ABCA13: variants seen among roughly 807,000 people sequenced by gnomAD.
The protein encoded by ABCA13 is ATP binding cassette subfamily A member 13.
In ABCA13, 476 loss-of-function variants were observed where a neutral mutation model predicts 478.7. The observed-to-expected ratio is 0.99, with a 90% CI of 0.92 to 1.07. The LOEUF (loss-of-function observed/expected upper bound fraction) is 1.07, where lower values mean the gene tolerates loss of function less well. Among genes scored for constraint, ABCA13 ranks in the 50% least tolerant of loss-of-function variants. The pLI is 0.00. For missense variants in ABCA13, 6,060 were observed against 5,910.6 expected (o/e 1.03, Z -0.83); for synonymous variants, 2,252 against 2,158.9 (o/e 1.04, Z -1.20).
intron 24 of ABCA13, among the ~76,000 whole-genome samples, chr7:48,310,622 C>T (rs1280229325): frequency 1.3e-5 from 2 of 152,104 alleles, no homozygotes; most frequent in Non-Finnish European, 2.9e-5. Context: ...CAGGGCCTGC[C>T]CTGGAGAGAA....
intron 5 of ABCA13, among the ~76,000 whole-genome samples, chr7:48,225,461 A>G (rs1458676419): frequency 6.6e-6 from 1 of 152,206 alleles, no homozygotes; most frequent in East Asian, 1.9e-4. Context: ...GAAAATTAAC[A>G]CTAATACAAT....
At chr7:48,556,460 T>C (rs1203055513) in intron 55 of ABCA13, among the ~76,000 whole-genome samples, 1 of 152,006 alleles carries the variant, frequency 6.6e-6, no homozygotes, top group African/African-American at 2.4e-5. Context: ...TCTCATAATA[T>C]TTGCTTTATA....
At chr7:48,422,447 T>C (rs1109443) in intron 41 of ABCA13, among the ~76,000 whole-genome samples, 19,271 of 152,166 alleles carry the variant, frequency 0.13, 1,529 homozygotes, top group African/African-American at 0.2. Context: ...TAGAATTGAC[T>C]TTTTATAACT....
intron 59 of ABCA13, among the ~76,000 whole-genome samples, chr7:48,628,137 G>T (rs1793836149): frequency 6.6e-6 from 1 of 152,166 alleles, no homozygotes; most frequent in African/African-American, 2.4e-5. Flanking sequence ...CACATGACTA[G>T]TTCCTTCAGT....
chr7:48,511,215 C>T lies in ABCA13; in HGVS notation c.13640+16C>T, dbSNP rs139659265. ...CACTTTTCGGGTATGTGATGAGAAA[C>T]GCTGCTGCAGAATTACGGTTTGTTT... On this transcript the variant is annotated intron_variant, in intron 51 of 61. Coordinates refer to ENST00000435803, the MANE Select transcript of ABCA13 (RefSeq NM_152701.5). 3.9e-5 allele frequency: 62 copies of T among 1,589,340 alleles called. No homozygotes were observed. Among genetic ancestry groups the T allele is most frequent in the Non-Finnish European group, 4.0e-5 (47 of 1,162,576 alleles).
intron 2 of ABCA13, among the ~76,000 whole-genome samples, chr7:48,197,834 A>G (rs1798143913): frequency 6.6e-6 from 1 of 152,176 alleles, no homozygotes; most frequent in Admixed American, 6.5e-5. Flanking sequence ...TTTTTTTGCC[A>G]AAACTAAAAA....
At position 48,506,394 on chromosome 7, in the gene ABCA13, A is replaced by C; in HGVS notation, c.13346+4A>C. 6.2e-7 allele frequency: 1 copy of C among 1,613,586 alleles called. No individual in the cohort carries two copies. Among genetic ancestry groups the C allele is most frequent in the South Asian group, 1.1e-5 (1 of 91,060 alleles). On this transcript the variant is annotated splice_donor_region_variant and intron_variant, in intron 49 of 61. Transcript: ENST00000435803. ...CCTTGCTGAACGAGGACAAGATGTG[A>C]GTTGATGGAATGCTGAGGGGTGTGT... is the stretch of plus-strand genomic sequence containing the variant.
intron 2 of ABCA13, among the ~76,000 whole-genome samples, chr7:48,197,095 T>C (rs1176814751): frequency 6.6e-6 from 1 of 152,218 alleles, no homozygotes. Flanking sequence ...CAGTAAATTC[T>C]GTTTGTGCTG....
chr7:48,410,944 A>T (rs1210999057), intron 40 of ABCA13, among the ~76,000 whole-genome samples: 1 of 151,906 alleles, frequency 6.6e-6, no homozygotes, highest in Non-Finnish European at 1.5e-5. Context: ...AGGGCCAGGA[A>T]GTATATGACC....
rs768587994 is a variant in ABCA13 at position 48,391,932 on chromosome 7, CG to C, written c.11670del (p.Leu3891SerfsTer52). 6.2e-7 allele frequency: 1 copy of C among 1,613,638 alleles called. No individual in the cohort carries two copies. The highest frequency in any genetic ancestry group is 2.2e-5 in the East Asian group (1 of 44,830). On this transcript the variant is annotated frameshift_variant, in exon 38 of 62. Transcript: ENST00000435803. LOFTEE classifies it high-confidence loss of function. ...AGKTTIISML[T>X]GLHPPTSGTI... is the part of the protein sequence containing the mutation. ...ATTTTCTCTGGCAGATCCATGTTGA[CG>C]GGGCTCCACCCTCCCACTTCTGGAA...
chr7:48,382,751 T>G (rs1168742464), intron 35 of ABCA13, among the ~76,000 whole-genome samples: 3 of 147,764 alleles, frequency 2.0e-5, no homozygotes, highest in Non-Finnish European at 4.5e-5. Flanking sequence ...TCTTGTATTC[T>G]TCTCTCAATG....
chr7:48,254,486 T>C (rs1466338335), intron 15 of ABCA13, among the ~76,000 whole-genome samples: 2 of 152,154 alleles, frequency 1.3e-5, no homozygotes. Flanking sequence ...CCCAGGCTAA[T>C]CTTGAACTCC....
At chr7:48,336,276 G>C (rs894848421) in intron 28 of ABCA13, among the ~76,000 whole-genome samples, 3 of 152,150 alleles carry the variant, frequency 2.0e-5, no homozygotes, top group African/African-American at 7.2e-5. Flanking sequence ...TGGAGCCCTT[G>C]GAATAGGTTT....
chr7:48,251,168 T>C (rs1370878795), intron 15 of ABCA13, among the ~76,000 whole-genome samples: 1 of 152,130 alleles, frequency 6.6e-6, no homozygotes, highest in African/African-American at 2.4e-5. Context: ...GAGTTGGCCA[T>C]GTTCTTCTGG....
At position 48,266,712 on chromosome 7, in the gene ABCA13, TTTCTTTA is replaced by T. The variant is rs1022773474; in HGVS notation, c.2006-2263_2006-2257del. ...TTTACTTCCTTGATTTCCACTCTTC[TTTCTTTA>T]TTCTACTTAGTTTTGGTTTAACTGA... is the stretch of plus-strand genomic sequence containing the variant. On this transcript the variant is annotated intron_variant, in intron 15 of 61. Coordinates refer to ENST00000435803, the MANE Select transcript of ABCA13 (RefSeq NM_152701.5). 2.2e-4 allele frequency among the ~76,000 whole-genome samples: 33 copies of T among 152,004 alleles called. 1 individual carries two copies. Among genetic ancestry groups the T allele is most frequent in the African/African-American group, 7.9e-4 (33 of 41,550 alleles).
At chr7:48,448,742 C>T (rs909376756) in intron 42 of ABCA13, among the ~76,000 whole-genome samples, 17 of 152,060 alleles carry the variant, frequency 1.1e-4, no homozygotes, top group African/African-American at 3.6e-4. Context: ...ATGAGATTAT[C>T]AATAAAACAG....
intron 23 of ABCA13, among the ~76,000 whole-genome samples, chr7:48,302,981 C>T (rs1211608238): frequency 6.6e-6 from 1 of 152,156 alleles, no homozygotes; most frequent in African/African-American, 2.4e-5. Flanking sequence ...CTTTTCTCTG[C>T]AACCTCATCA....
intron 29 of ABCA13, among the ~76,000 whole-genome samples, chr7:48,347,514 G>A (rs551662647): frequency 1.3e-5 from 2 of 152,164 alleles, no homozygotes; most frequent in Non-Finnish European, 2.9e-5. Context: ...TCTTAAAGAA[G>A]GAAATAGATA....
chr7:48,271,274 C>T (rs1289980717), intron 16 of ABCA13, among the ~76,000 whole-genome samples: 1 of 152,090 alleles, frequency 6.6e-6, no homozygotes, highest in Non-Finnish European at 1.5e-5. Flanking sequence ...AAACACCTGG[C>T]GATAAGCTAC....
Sources: gnomAD v4.1 joint callset for allele counts (sites outside exome capture counted in the v4.1 genomes callset) on GRCh38, gnomAD v4.1.1 for gene constraint, MANE v1.5 for transcripts, NCBI Gene and HGNC (gene_info 2026-07-23, HGNC 2026-07-21) for gene names.